Variants in ROS1 observed in about 807,000 individuals in gnomAD.
ROS1 encodes the protein proto-oncogene tyrosine-protein kinase ROS.
In ROS1, 263 loss-of-function variants were observed where a neutral mutation model predicts 273.5. That is an observed-to-expected ratio of 0.96 (90% CI 0.87 to 1.06). ROS1 has a LOEUF of 1.06. Ranked by LOEUF, ROS1 falls within the 50% of genes least tolerant of loss-of-function variation. The probability of loss-of-function intolerance (pLI) is 0.00; values close to 1 mark genes in which losing one functional copy is unlikely to be tolerated. For synonymous variants in ROS1, 1,008 were observed against 954.1 expected (o/e 1.06, Z -1.04); for missense variants, 2,833 against 2,751.1 (o/e 1.03, Z -0.67).
chr6:117,288,571 G>C lies in ROS1; in HGVS notation c.6947C>G (p.Ala2316Gly). Residue 2316 changes from alanine (A) to glycine (G), a missense_variant, in exon 44 of 44, where the codon GCT becomes GGT. Physicochemically the swap from Ala to Gly is moderately conservative, Grantham distance 60. Transcript: ENST00000368507. ...TTCAGGCTTGCCAGAAGGGCAGTAAGCCACTTGTTTTTCTTGGCAGAAATC... is the reference window on the plus strand; with the variant it reads ...TTCAGGCTTGCCAGAAGGGCAGTAACCCACTTGTTTTTCTTGGCAGAAATC... Reference protein sequence around the residue: ...DKDFCQEKQVAYCPSGKPEGL... With the variant: ...DKDFCQEKQVGYCPSGKPEGL... The C allele has an allele frequency of 6.2e-7, 1 of 1,614,152 alleles. No homozygotes were observed. The highest frequency in any genetic ancestry group is 8.5e-7 in the Non-Finnish European group (1 of 1,180,008).
Position 117,385,765 on chromosome 6 carries a change from T to C in ROS1, c.2207A>G (p.His736Arg). ...CCCTGCTCCTGCAATGCTGGGTAGG[T>C]GATAATTCTCTGAGATATCCGTCCC... ...LNGTDISENY[H>R]LPSIAGAGAL... Residue 736 changes from histidine (H) to arginine (R), a missense_variant, in exon 16 of 44, where the codon CAC becomes CGC. Coordinates refer to ENST00000368507, the MANE Select transcript of ROS1 (RefSeq NM_001378902.1). 1.9e-6 allele frequency: 3 copies of C among 1,614,152 alleles called. No individual in the cohort carries two copies. The highest frequency in any genetic ancestry group is 2.5e-6 in the Non-Finnish European group (3 of 1,180,042).
At chr6:117,320,385 T>A (rs532626380) in intron 36 of ROS1, among the ~76,000 whole-genome samples, 8 of 152,262 alleles carry the variant, frequency 5.3e-5, no homozygotes, top group East Asian at 3.9e-4. Context: ...TACTGCAAAT[T>A]AGTAATAAAT....
rs573710706 is a variant in ROS1 at position 117,336,419 on chromosome 6, A to G, written c.5230+753T>C. On this transcript the variant is annotated intron_variant, in intron 32 of 43. Transcript: ENST00000368507. ...CTCCCACTTGTAAGTGAGAACACGCAGTGTTTGGTTTTCTGTTCCTGAATT... is the reference window on the plus strand; with the variant it reads ...CTCCCACTTGTAAGTGAGAACACGCGGTGTTTGGTTTTCTGTTCCTGAATT... Among the ~76,000 whole-genome samples, 4 of 151,556 alleles carry G rather than the reference A, an allele frequency of 2.6e-5. No individual in the cohort carries two copies. The East Asian group carries it at 7.8e-4, about 30-fold the overall frequency.
At chr6:117,412,141 A>G (rs994706129) in intron 4 of ROS1, among the ~76,000 whole-genome samples, 1 of 152,170 alleles carries the variant, frequency 6.6e-6, no homozygotes, top group Admixed American at 6.6e-5. Flanking sequence ...AGGGGAGAGT[A>G]TGAGATGAAG....
At position 117,390,011 on chromosome 6, in the gene ROS1, T is replaced by C. The variant is rs17570726; in HGVS notation, c.1290-165A>G. ...AAAAAGGTAATTTCCTAAGATATAC[T>C]CTATTCGTTTAAGTTACAAGTTGGA... On this transcript the variant is annotated intron_variant, in intron 12 of 43. Transcript: ENST00000368507. 6.0e-3 allele frequency among the ~76,000 whole-genome samples: 919 copies of C among 152,352 alleles called. 5 individuals carry two copies. The highest frequency in any genetic ancestry group is 0.011 in the Non-Finnish European group (737 of 68,034).
intron 14 of ROS1, among the ~76,000 whole-genome samples, chr6:117,387,477 T>G (rs1772676869): frequency 6.6e-6 from 1 of 152,212 alleles, no homozygotes; most frequent in Non-Finnish European, 1.5e-5. Context: ...ATGCCACTGC[T>G]TAATATACCA....
At chr6:117,408,904 G>A (rs553683468) in intron 5 of ROS1, among the ~76,000 whole-genome samples, 3 of 152,238 alleles carry the variant, frequency 2.0e-5, no homozygotes, top group Admixed American at 6.5e-5. Flanking sequence ...ATGAGTTCCT[G>A]TCCTTTGTAG....
chr6:117,349,667 C>A (rs1778652952), intron 27 of ROS1, among the ~76,000 whole-genome samples: 1 of 151,768 alleles, frequency 6.6e-6, no homozygotes. Flanking sequence ...CACTTTTTTT[C>A]TGACTTTTGT....
chr6:117,376,149 G>C (rs1254638440), intron 18 of ROS1, among the ~76,000 whole-genome samples: 2 of 151,982 alleles, frequency 1.3e-5, no homozygotes, highest in Non-Finnish European at 2.9e-5. Context: ...CTTTTAGCAG[G>C]AGTGATCAAG....
intron 23 of ROS1, 30 bp downstream of exon 23, chr6:117,360,311 AT>A: frequency 7.4e-7 from 1 of 1,354,654 alleles, no homozygotes; most frequent in Non-Finnish European, 1.0e-6. Flanking sequence ...CCTCTAAATT[AT>A]TATTTGCACA....
intron 19 of ROS1, 91 bp downstream of exon 19, chr6:117,365,985 T>C (rs1174002169): frequency 6.7e-6 from 8 of 1,185,494 alleles, no homozygotes; most frequent in Non-Finnish European, 9.8e-6. Context: ...CTCTTAAAAC[T>C]TAATTCTTAA....
At position 117,324,693 on chromosome 6, in the gene ROS1, A is replaced by G. The variant is rs187837501; in HGVS notation, c.5540-278T>C. 2.4e-3 allele frequency among the ~76,000 whole-genome samples: 360 copies of G among 152,278 alleles called. 3 individuals carry two copies. The highest frequency in any genetic ancestry group is 4.3e-3 in the Non-Finnish European group (290 of 68,006). On this transcript the variant is annotated intron_variant, in intron 34 of 43. Coordinates refer to ENST00000368507, the MANE Select transcript of ROS1 (RefSeq NM_001378902.1). ...CTTTAAAATGACTTAGGAAACATAT[A>G]TATCTTTTTAATAAATTTAGGACCA...
chr6:117,386,816 A>G (rs1172487773), intron 15 of ROS1, 73 bp downstream of exon 15: 1 of 725,806 alleles, frequency 1.4e-6, no homozygotes, highest in Non-Finnish European at 2.3e-6. Flanking sequence ...TATTCTTTTG[A>G]TTCATTGAAT....
intron 27 of ROS1, among the ~76,000 whole-genome samples, chr6:117,348,579 T>C (rs1346354069): frequency 6.6e-6 from 1 of 151,936 alleles, no homozygotes; most frequent in Non-Finnish European, 1.5e-5. Context: ...TTCAATTTCA[T>C]TGATTTCTAC....
At position 117,320,011 on chromosome 6, in the gene ROS1, CCTCTTGGGTTGGAAGAGT is replaced by C; in HGVS notation, c.5761_5778del (p.Thr1921_Glu1926del). ...GGGAAGGCAGGAAGATTTTCAATCT[CCTCTTGGGTTGGAAGAGT>C]ACTGTAAAATAGCAACATTTTTGTC... is the stretch of plus-strand genomic sequence containing the variant. On this transcript the variant is annotated inframe_deletion and splice_region_variant, in exon 37 of 44. Coordinates refer to ENST00000368507, the MANE Select transcript of ROS1 (RefSeq NM_001378902.1). 1 of 1,613,206 alleles carries C rather than the reference CCTCTTGGGTTGGAAGAGT, an allele frequency of 6.2e-7. No individual in the cohort carries two copies. Among genetic ancestry groups the C allele is most frequent in the Non-Finnish European group, 8.5e-7 (1 of 1,179,470 alleles).
At chr6:117,363,589 C>T (rs1249335217) in intron 21 of ROS1, among the ~76,000 whole-genome samples, 1 of 152,130 alleles carries the variant, frequency 6.6e-6, no homozygotes, top group Non-Finnish European at 1.5e-5. Context: ...AACACTCATA[C>T]TATTATTCAA....
rs1355545524 is a variant in ROS1 at position 117,404,279 on chromosome 6, C to T, written c.465+1G>A. 6.2e-7 allele frequency: 1 copy of T among 1,613,502 alleles called. No individual in the cohort carries two copies. Among genetic ancestry groups the T allele is most frequent in the African/African-American group, 1.3e-5 (1 of 74,854 alleles). The stretch of plus-strand genomic sequence containing the variant: ...TGAGGTACAAAGGCAGCCTTTCATA[C>T]CTTAGTATAAGTCCAGCTTCCCAGA... On this transcript the variant is annotated splice_donor_variant, in intron 6 of 43. Coordinates refer to ENST00000368507, the MANE Select transcript of ROS1 (RefSeq NM_001378902.1). LOFTEE classifies it high-confidence loss of function.
intron 32 of ROS1, among the ~76,000 whole-genome samples, chr6:117,336,739 T>G (rs72963572): frequency 6.6e-6 from 1 of 152,172 alleles, no homozygotes; most frequent in Non-Finnish European, 1.5e-5. Context: ...AGATCTTTGT[T>G]CCTTCCATTC....
At chr6:117,365,037 A>G in intron 21 of ROS1, 23 bp downstream of exon 21, 2 of 1,603,110 alleles carry the variant, frequency 1.2e-6, no homozygotes, top group Non-Finnish European at 1.7e-6. Context: ...TTTAAGAAAA[A>G]AGACAGATTT....
Sources: gnomAD v4.1 joint callset for allele counts (sites outside exome capture counted in the v4.1 genomes callset) on GRCh38, gnomAD v4.1.1 for gene constraint, MANE v1.5 for transcripts, NCBI Gene and HGNC (gene_info 2026-07-23, HGNC 2026-07-21) for gene names.